FGF20: variants seen among roughly 807,000 people sequenced by gnomAD.
FGF20 encodes the protein fibroblast growth factor 20.
FGF20 carries 8 observed loss-of-function variants against 16.7 expected under a neutral mutation model. The ratio of observed to expected loss-of-function variants is 0.48; its 90% CI spans 0.28 to 0.87. The LOEUF is 0.87. Ranked by LOEUF, FGF20 falls within the 40% of genes least tolerant of loss-of-function variation. The pLI is 0.10. For synonymous variants in FGF20, 161 were observed against 118.6 expected, an observed-to-expected ratio of 1.36 and a Z score of -2.32; for missense variants, 397 against 281.4, an observed-to-expected ratio of 1.41 and a Z score of -2.94.
chr8:16,993,324 G>C lies in FGF20; in HGVS notation c.391-7C>G. On this transcript the variant is annotated splice_polypyrimidine_tract_variant and splice_region_variant and intron_variant, in intron 2 of 2. Coordinates refer to ENST00000180166, the MANE Select transcript of FGF20 (RefSeq NM_019851.3). ...ATTCGGAAGTAAGTTTCTCCTGAAA[G>C]AGAGAAGATAACTATTATTTTTTAA... is the stretch of plus-strand genomic sequence containing the variant. 6.3e-7 allele frequency: 1 copy of C among 1,593,376 alleles called. No individual in the cohort carries two copies. The highest frequency in any genetic ancestry group is 8.5e-7 in the Non-Finnish European group (1 of 1,170,954).
chr8:16,995,850 C>A, intron 1 of FGF20, 92 bp from the exon 2 acceptor site: 1 of 662,944 alleles, frequency 1.5e-6, no homozygotes, highest in Non-Finnish European at 2.6e-6. Context: ...TAGCGGTAGT[C>A]GGCCATTATT....
chr8:16,992,785 G>T lies in FGF20; in HGVS notation c.*287C>A, dbSNP rs1041831813. ...TGAGGCACCAGCAGCAACCATGTGA[G>T]GGTTCCCATTATCCACAGTTTAACA... On this transcript the variant is annotated 3_prime_UTR_variant, in exon 3 of 3. Transcript: ENST00000180166. 1 of 256,716 alleles carries T rather than the reference G, an allele frequency of 3.9e-6. No homozygotes were observed. Among genetic ancestry groups the T allele is most frequent in the Non-Finnish European group, 7.3e-6 (1 of 136,784 alleles). The allele number at this position is 256,716 out of a possible 1,614,324, so 15.9% of individuals were successfully genotyped here. A position where few individuals can be genotyped will look rare whatever the true frequency, so the allele number is the denominator to read the frequency against.
chr8:16,993,407 G>C, intron 2 of FGF20, 90 bp from the exon 3 acceptor site: 1 of 1,305,496 alleles, frequency 7.7e-7, no homozygotes, highest in Non-Finnish European at 1.0e-6. Context: ...TCATTTCTTT[G>C]CCTTGTCAAA....
chr8:16,993,123 C>T lies in FGF20; in HGVS notation c.585G>A (p.Val195=). ...QKFTHFLPRP[V]DPERVPELYK... ...ACAATTCTGGAACTCTTTCTGGATC[C>T]ACTGGTCTAGGTAAGAAATGTGTAA... Residue 195 remains valine, a synonymous_variant, in exon 3 of 3, where the codon GTG becomes GTA. Transcript: ENST00000180166. 1 of 1,614,044 alleles carries T rather than the reference C, an allele frequency of 6.2e-7. No individual in the cohort carries two copies.
At chr8:16,997,364 G>A (rs1810080506) in intron 1 of FGF20, among the ~76,000 whole-genome samples, 1 of 152,162 alleles carries the variant, frequency 6.6e-6, no homozygotes, top group Non-Finnish European at 1.5e-5. Context: ...GTATAAATGT[G>A]TACCCTTTAG....
chr8:16,998,870 A>C (rs989861760), intron 1 of FGF20, among the ~76,000 whole-genome samples: 2 of 144,894 alleles, frequency 1.4e-5, no homozygotes. Flanking sequence ...TCATGGCCAA[A>C]TTAGTATAAA....
intron 2 of FGF20, among the ~76,000 whole-genome samples, chr8:16,995,110 A>G (rs1211994329): frequency 6.6e-6 from 1 of 152,236 alleles, no homozygotes; most frequent in African/African-American, 2.4e-5. Flanking sequence ...ATTGCCCGAT[A>G]CAACTTTGAA....
chr8:17,001,108 A>T (rs1041679663), intron 1 of FGF20, among the ~76,000 whole-genome samples: 1 of 131,876 alleles, frequency 7.6e-6, no homozygotes, highest in African/African-American at 3.3e-5. Context: ...GGAACCTCAG[A>T]CAGGTGAGCC....
chr8:16,993,155 G>A lies in FGF20; in HGVS notation c.553C>T (p.Gln185Ter). 6.2e-7 allele frequency: 1 copy of A among 1,614,044 alleles called. No individual in the cohort carries two copies. Among genetic ancestry groups the A allele is most frequent in the Non-Finnish European group, 8.5e-7 (1 of 1,180,010 alleles). ...PRDGARSKRHQKFTHFLPRPV... is the reference protein window; with the variant it reads ...PRDGARSKRH ...CTAGGTAAGAAATGTGTAAATTTCT[G>A]ATGCCTCTTGGACCTGGCGCCATCT... Residue 185 changes from glutamine to a stop codon, truncating the protein, a stop_gained, in exon 3 of 3, where the codon CAG (glutamine) becomes TAG (stop). Coordinates refer to ENST00000180166, the MANE Select transcript of FGF20 (RefSeq NM_019851.3). LOFTEE classifies it high-confidence loss of function.
chr8:16,999,831 G>T (rs540860214), intron 1 of FGF20, among the ~76,000 whole-genome samples: 8 of 151,464 alleles, frequency 5.3e-5, no homozygotes, highest in Non-Finnish European at 8.8e-5. Flanking sequence ...GAGCCACTGC[G>T]CCCAGCCCCA....
intron 1 of FGF20, among the ~76,000 whole-genome samples, chr8:16,996,624 C>G (rs1171998970): frequency 6.6e-6 from 1 of 152,100 alleles, no homozygotes; most frequent in Non-Finnish European, 1.5e-5. Context: ...TAAATCAAGT[C>G]AATCTGTTTC....
At chr8:16,999,138 CTACAA>C (rs1178847021) in intron 1 of FGF20, among the ~76,000 whole-genome samples, 1 of 152,140 alleles carries the variant, frequency 6.6e-6, no homozygotes, top group Non-Finnish European at 1.5e-5. Flanking sequence ...CTAGGATGTA[CTACAA>C]TACATCACAA....
intron 1 of FGF20, among the ~76,000 whole-genome samples, chr8:16,999,518 CTTTT>C (rs370808443): frequency 4.7e-5 from 4 of 85,836 alleles, no homozygotes; most frequent in African/African-American, 1.9e-4. Flanking sequence ...TACAAGTTTC[CTTTT>C]TTTTTTTTTT....
chr8:16,994,819 A>C (rs953797485), intron 2 of FGF20, among the ~76,000 whole-genome samples: 1 of 152,216 alleles, frequency 6.6e-6, no homozygotes, highest in Non-Finnish European at 1.5e-5. Context: ...GGATACTGGC[A>C]TACATTTTTA....
At position 16,993,356 on chromosome 8, in the gene FGF20, AC is replaced by A. The variant is rs753973008; in HGVS notation, c.391-40del. On this transcript the variant is annotated intron_variant, in intron 2 of 2. Coordinates refer to ENST00000180166, the MANE Select transcript of FGF20 (RefSeq NM_019851.3). ...GATAACTATTATTTTTTAAAAAAAT[AC>A]CTTTGAGATAATTTCCTTACAAGTT... 5.9e-6 allele frequency: 9 copies of A among 1,535,554 alleles called. No homozygotes were observed. The East Asian group carries it at 2.0e-4, about 35-fold the overall frequency.
intron 1 of FGF20, among the ~76,000 whole-genome samples, chr8:16,999,542 AG>A (rs1355823010): frequency 2.0e-4 from 6 of 29,916 alleles, no homozygotes; most frequent in African/African-American, 5.8e-4. Flanking sequence ...TTTTTTTTTG[AG>A]ACAGAGTCTT....
intron 1 of FGF20, among the ~76,000 whole-genome samples, chr8:16,999,081 C>G (rs1810124191): frequency 6.6e-6 from 1 of 152,048 alleles, no homozygotes; most frequent in Non-Finnish European, 1.5e-5. Flanking sequence ...TTCTTCTTAC[C>G]CGCACTCTCT....
chr8:16,992,849 T>C lies in FGF20; in HGVS notation c.*223A>G, dbSNP rs751701947. 2 of 505,404 alleles carry C rather than the reference T, an allele frequency of 4.0e-6. No homozygotes were observed. Among genetic ancestry groups the C allele is most frequent in the Admixed American group, 3.7e-5 (1 of 26,964 alleles). 31.3% of individuals were successfully genotyped at this position (505,404 alleles called of 1,614,324 possible). On this transcript the variant is annotated 3_prime_UTR_variant, in exon 3 of 3. Coordinates refer to ENST00000180166, the MANE Select transcript of FGF20 (RefSeq NM_019851.3). ...AGTCTACTGGTAAGGACTAATCCAATGTATCTAAGGGAACTTAATCCACAT... is the reference window on the plus strand; with the variant it reads ...AGTCTACTGGTAAGGACTAATCCAACGTATCTAAGGGAACTTAATCCACAT...
At position 16,993,337 on chromosome 8, in the gene FGF20, T is replaced by C. The variant is rs1368718606; in HGVS notation, c.391-20A>G. ...TTTCTCCTGAAAGAGAGAAGATAAC[T>C]ATTATTTTTTAAAAAAATACCTTTG... On this transcript the variant is annotated intron_variant, in intron 2 of 2. Coordinates refer to ENST00000180166, the MANE Select transcript of FGF20 (RefSeq NM_019851.3). 10 of 1,565,790 alleles carry C rather than the reference T, an allele frequency of 6.4e-6. No individual in the cohort carries two copies. Among genetic ancestry groups the C allele is most frequent in the African/African-American group, 4.1e-5 (3 of 72,542 alleles).
Sources: gnomAD v4.1 joint callset for allele counts (sites outside exome capture counted in the v4.1 genomes callset) on GRCh38, gnomAD v4.1.1 for gene constraint, MANE v1.5 for transcripts, NCBI Gene and HGNC (gene_info 2026-07-23, HGNC 2026-07-21) for gene names.